PAPSS1: variants seen among roughly 807,000 people sequenced by gnomAD.
PAPSS1 encodes bifunctional 3'-phosphoadenosine 5'-phosphosulfate synthase 1.
PAPSS1 carries 50 observed loss-of-function variants against 72.0 expected under a neutral mutation model. The observed-to-expected ratio is 0.69, with a 90% CI of 0.55 to 0.88. PAPSS1 has a LOEUF of 0.88. PAPSS1 is among the 40% of genes least tolerant of loss of function. PAPSS1 has a pLI of 0.00. For missense variants in PAPSS1, 657 were observed against 782.2 expected, an observed-to-expected ratio of 0.84 and a Z score of 1.91; for synonymous variants, 261 against 263.6, an observed-to-expected ratio of 0.99 and a Z score of 0.09.
At chr4:107,661,541 C>A (rs924372265) in intron 5 of PAPSS1, among the ~76,000 whole-genome samples, 3 of 152,044 alleles carry the variant, frequency 2.0e-5, no homozygotes, top group East Asian at 1.9e-4. Context: ...CATGGAAGAA[C>A]CTTAAGTGAG....
intron 5 of PAPSS1, among the ~76,000 whole-genome samples, chr4:107,665,818 GT>G (rs1257097867): frequency 6.6e-6 from 1 of 152,158 alleles, no homozygotes; most frequent in Non-Finnish European, 1.5e-5. Flanking sequence ...ACAGACAACT[GT>G]TTTTGTTTTT....
chr4:107,635,693 T>A (rs896273494), intron 10 of PAPSS1, among the ~76,000 whole-genome samples: 30 of 151,960 alleles, frequency 2.0e-4, no homozygotes, highest in Admixed American at 1.1e-3. Flanking sequence ...ACTTAAAAAA[T>A]AAATAAATAA....
In PAPSS1 at chr4:107,656,887, A is replaced by T; in HGVS notation, c.895+9T>A. On this transcript the variant is annotated intron_variant, in intron 7 of 11. Coordinates refer to ENST00000265174, the MANE Select transcript of PAPSS1 (RefSeq NM_005443.5). ...CATACAATATAATTTTGAATGTAAAATGTCTTACCATCCAGAAGACAATCA... is the reference window on the plus strand; with the variant it reads ...CATACAATATAATTTTGAATGTAAATTGTCTTACCATCCAGAAGACAATCA... 6.6e-7 allele frequency: 1 copy of T among 1,513,022 alleles called. No individual in the cohort carries two copies. Among genetic ancestry groups the T allele is most frequent in the Non-Finnish European group, 9.2e-7 (1 of 1,088,064 alleles). 93.7% of individuals were successfully genotyped at this position (1,513,022 alleles called of 1,614,324 possible).
chr4:107,647,577 A>T (rs1356152460), intron 9 of PAPSS1, among the ~76,000 whole-genome samples: 2 of 152,166 alleles, frequency 1.3e-5, no homozygotes, highest in Non-Finnish European at 2.9e-5. Flanking sequence ...AAAAACCACG[A>T]AACCCAATAA....
intron 11 of PAPSS1, among the ~76,000 whole-genome samples, chr4:107,615,862 C>A (rs1256728309): frequency 6.6e-6 from 1 of 152,162 alleles, no homozygotes; most frequent in African/African-American, 2.4e-5. Flanking sequence ...ACAGGAGATT[C>A]TTGCTCTTTC....
chr4:107,659,506 G>T (rs1727113297), intron 6 of PAPSS1, among the ~76,000 whole-genome samples: 1 of 151,928 alleles, frequency 6.6e-6, no homozygotes, highest in African/African-American at 2.4e-5. Flanking sequence ...CAGTTGTATT[G>T]GGAAAGACAG....
chr4:107,712,671 G>A (rs777657774), intron 1 of PAPSS1, among the ~76,000 whole-genome samples: 28 of 151,980 alleles, frequency 1.8e-4, no homozygotes, highest in Admixed American at 2.0e-4. Context: ...TCAAGAGATC[G>A]AGACTATCCT....
intron 9 of PAPSS1, 93 bp from the exon 10 acceptor site, chr4:107,645,163 G>C: frequency 1.1e-6 from 1 of 931,466 alleles, no homozygotes; most frequent in Non-Finnish European, 1.5e-6. Context: ...TGATACTTAG[G>C]ATTAAGCAAA....
intron 3 of PAPSS1, among the ~76,000 whole-genome samples, chr4:107,692,538 G>C (rs1722955043): frequency 6.6e-6 from 1 of 152,182 alleles, no homozygotes; most frequent in Non-Finnish European, 1.5e-5. Context: ...TTGTAGGTGA[G>C]AATGTAAGTT....
chr4:107,698,498 G>A (rs1029860179), intron 2 of PAPSS1, among the ~76,000 whole-genome samples: 3 of 152,172 alleles, frequency 2.0e-5, no homozygotes, highest in Non-Finnish European at 4.4e-5. Flanking sequence ...GTGAAAACCT[G>A]AACAGAATAA....
At chr4:107,720,050 G>GAA in intron 1 of PAPSS1, 70 bp downstream of exon 1, 1 of 1,532,772 alleles carries the variant, frequency 6.5e-7, no homozygotes, top group Non-Finnish European at 8.7e-7. Flanking sequence ...GGAGAGAGGC[G>GAA]GCGGCTCCGG....
At chr4:107,621,006 C>T (rs1049150332) in intron 11 of PAPSS1, among the ~76,000 whole-genome samples, 29 of 152,078 alleles carry the variant, frequency 1.9e-4, no homozygotes, top group Admixed American at 1.5e-3. Context: ...TACAGCCTAA[C>T]GGAACATCAT....
At position 107,613,710 on chromosome 4, in the gene PAPSS1, A is replaced by C. The variant is rs1725749820; in HGVS notation, c.*539T>G. On this transcript the variant is annotated 3_prime_UTR_variant, in exon 12 of 12. Coordinates refer to ENST00000265174, the MANE Select transcript of PAPSS1 (RefSeq NM_005443.5). ...TTTTATTGAGTAAAGAAGTTCATTC[A>C]GAGCTTACACAGATCATAAGAATAC... 6.6e-6 allele frequency: 1 copy of C among 152,232 alleles called. No homozygotes were observed. Among genetic ancestry groups the C allele is most frequent in the African/African-American group, 2.4e-5 (1 of 41,460 alleles). 9.4% of individuals were successfully genotyped at this position (152,232 alleles called of 1,614,324 possible). A position where few individuals can be genotyped will look rare whatever the true frequency, so the allele number is the denominator to read the frequency against.
At chr4:107,698,686 C>T (rs61357237) in intron 2 of PAPSS1, among the ~76,000 whole-genome samples, 14,680 of 152,170 alleles carry the variant, frequency 0.096, 774 homozygotes, top group South Asian at 0.18. Context: ...TTAATTAAGG[C>T]TCAGTGTGGA....
Position 107,644,909 on chromosome 4 carries a change from A to C in PAPSS1, c.1399T>G (p.Trp467Gly). ...ACTGCAGCATGCTGCTTCATACGCC[A>C]CATCAAAGGAACATCGTCATCCTTT... The part of the protein sequence containing the change: ...WTKDDDVPLM[W>G]RMKQHAAVLE... The change falls in exon 10 of 12, where the codon TGG (tryptophan) becomes GGG (glycine). Residue 467 changes from tryptophan (W) to glycine (G), a missense_variant. By Grantham distance (184) the Trp-to-Gly change is radical. Coordinates refer to ENST00000265174, the MANE Select transcript of PAPSS1 (RefSeq NM_005443.5). 6.2e-7 allele frequency: 1 copy of C among 1,614,082 alleles called. No individual in the cohort carries two copies. The highest frequency in any genetic ancestry group is 8.5e-7 in the Non-Finnish European group (1 of 1,179,960).
At chr4:107,653,426 G>A in intron 9 of PAPSS1, 65 bp downstream of exon 9, 1 of 1,502,562 alleles carries the variant, frequency 6.7e-7, no homozygotes, top group Non-Finnish European at 9.0e-7. Context: ...GTAAGCACTG[G>A]AAAAAATCGT....
chr4:107,643,893 TAAAAG>T (rs1172787200), intron 10 of PAPSS1, among the ~76,000 whole-genome samples: 1 of 152,140 alleles, frequency 6.6e-6, no homozygotes, highest in East Asian at 1.9e-4. Context: ...AATGTGAAGT[TAAAAG>T]AAAATAAGAC....
intron 11 of PAPSS1, among the ~76,000 whole-genome samples, chr4:107,627,062 T>C (rs1726118406): frequency 2.0e-5 from 3 of 152,204 alleles, no homozygotes; most frequent in Non-Finnish European, 4.4e-5. Context: ...ACTACACAGT[T>C]ATTTAACCAA....
At chr4:107,666,400 T>C (rs1245250628) in intron 5 of PAPSS1, among the ~76,000 whole-genome samples, 2 of 152,236 alleles carry the variant, frequency 1.3e-5, no homozygotes, top group African/African-American at 2.4e-5. Flanking sequence ...TTGTTAGTGT[T>C]TTCTATTTTC....
Sources: allele counts gnomAD v4.1 joint callset (sites outside exome capture counted in the v4.1 genomes callset), GRCh38; gene constraint gnomAD v4.1.1; transcripts MANE v1.5; gene names NCBI Gene and HGNC (gene_info 2026-07-23, HGNC 2026-07-21).